ABCA13: variants seen among roughly 807,000 people sequenced by gnomAD.
ABCA13 encodes the protein ATP binding cassette subfamily A member 13.
ABCA13 carries 476 observed loss-of-function variants against 478.7 expected under a neutral mutation model. The ratio of observed to expected loss-of-function variants is 0.99; its 90% CI spans 0.92 to 1.07. The LOEUF (loss-of-function observed/expected upper bound fraction) is 1.07. ABCA13 is among the 50% of genes least tolerant of loss of function. ABCA13 has a pLI of 0.00. For synonymous variants in ABCA13, 2,252 were observed against 2,158.9 expected (o/e 1.04, Z -1.20); for missense variants, 6,060 against 5,910.6 (o/e 1.03, Z -0.83).
rs1486317353 is a variant in ABCA13, at chr7:48,455,250, C to T, written c.12779C>T (p.Pro4260Leu). The T allele has an allele frequency of 3.4e-5, 54 of 1,606,340 alleles. No individual in the cohort carries two copies. The highest frequency in any genetic ancestry group is 4.4e-5 in the Non-Finnish European group (52 of 1,176,840). ...GAGTACCCTCCCCTCAGACTCACACCTGGACATTACCAGCGGGCCGAGACC... is the reference window on the plus strand; with the variant it reads ...GAGTACCCTCCCCTCAGACTCACACTTGGACATTACCAGCGGGCCGAGACC... ...ATEYPPLRLT[P>L]GHYQRAETYF... Residue 4260 changes from proline (P) to leucine (L), a missense_variant, in exon 43 of 62, where the codon CCT becomes CTT. Coordinates refer to ENST00000435803, the MANE Select transcript of ABCA13 (RefSeq NM_152701.5).
rs1218974230 is a variant in ABCA13, at chr7:48,367,907, A to G, written c.10802A>G (p.Glu3601Gly). 6.4e-7 allele frequency: 1 copy of G among 1,563,208 alleles called. No homozygotes were observed. The highest frequency in any genetic ancestry group is 1.9e-5 in the Admixed American group (1 of 52,514). Residue 3601 changes from glutamate (E) to glycine (G), a missense_variant and splice_region_variant, in exon 32 of 62, where the codon GAG becomes GGG. Transcript: ENST00000435803. ...TATGAGCAGGAGATACAGATAGAAGAGGTAAATATCCTTAAACCTTGCCTG... is the reference window on the plus strand; with the variant it reads ...TATGAGCAGGAGATACAGATAGAAGGGGTAAATATCCTTAAACCTTGCCTG... ...LVYEQEIQIE[E>G]YMRMMGVHPV...
rs368126483 is a variant in ABCA13, at chr7:48,411,277, C to G, written c.12228+600C>G. 3.8e-3 allele frequency among the ~76,000 whole-genome samples: 265 copies of G among 69,582 alleles called. 11 individuals are homozygous for G. The highest frequency in any genetic ancestry group is 0.013 in the African/African-American group (261 of 20,428). 45.6% of individuals were successfully genotyped at this position (69,582 alleles called of 152,430 possible). On this transcript the variant is annotated intron_variant, in intron 40 of 61. Transcript: ENST00000435803. ...TCTCTTTCCTTCCTTTCCTCCCTCC[C>G]TCCTCCTTCCTTCCTTCTTTTCTTT...
intron 29 of ABCA13, among the ~76,000 whole-genome samples, chr7:48,349,762 C>T (rs748659945): frequency 6.6e-6 from 1 of 152,088 alleles, no homozygotes; most frequent in Non-Finnish European, 1.5e-5. Context: ...CTCCAAGCTT[C>T]GATGGAGGGT....
At chr7:48,615,263 TG>T (rs772529715) in intron 58 of ABCA13, 21 bp from the exon 59 acceptor site, 8 of 1,314,616 alleles carry the variant, frequency 6.1e-6, no homozygotes, top group Non-Finnish European at 8.1e-6. Context: ...GGCTCATTTT[TG>T]TCTCTTTTCC....
intron 43 of ABCA13, among the ~76,000 whole-genome samples, chr7:48,462,723 G>T (rs1031485705): frequency 2.0e-5 from 3 of 152,136 alleles, no homozygotes; most frequent in African/African-American, 7.2e-5. Flanking sequence ...TGGCCAGGCT[G>T]GTCGCGAACT....
Position 48,314,330 on chromosome 7 carries a change from T to C in ABCA13, c.9780T>C (p.Ser3260=), listed in dbSNP as rs202084708. 16 of 1,613,096 alleles carry C rather than the reference T, an allele frequency of 9.9e-6. No individual in the cohort carries two copies. The African/African-American group carries it at 1.6e-4, about 16-fold the overall frequency. Reference sequence around the variant, plus strand: ...ACCAAGCATCATTCCTTAGCGATTCTAATATGTTTATTAATTTGCCCAGAG... The same window carrying C: ...ACCAAGCATCATTCCTTAGCGATTCCAATATGTTTATTAATTTGCCCAGAG... ...CKDQASFLSD[S]NMFINLPRVK... The change falls in exon 26 of 62, where the codon TCT becomes TCC. Residue 3260 remains serine (S), a synonymous_variant. Transcript: ENST00000435803.
intron 42 of ABCA13, among the ~76,000 whole-genome samples, chr7:48,444,188 T>C (rs981325777): frequency 3.9e-5 from 6 of 152,190 alleles, no homozygotes; most frequent in Non-Finnish European, 8.8e-5. Flanking sequence ...ATGGCTCTTC[T>C]TTTGCTAAAG....
At chr7:48,615,507 G>C in intron 59 of ABCA13, 130 bp downstream of exon 59, 1 of 704,662 alleles carries the variant, frequency 1.4e-6, no homozygotes, top group South Asian at 2.3e-5. Context: ...GGAGATGAAG[G>C]CTCTGAGGGG....
At chr7:48,535,817 G>A (rs528111968) in intron 55 of ABCA13, among the ~76,000 whole-genome samples, 6 of 152,164 alleles carry the variant, frequency 3.9e-5, no homozygotes, top group Admixed American at 1.3e-4. Flanking sequence ...GCTTTACCCC[G>A]CTGCCATACA....
At chr7:48,230,997 T>C (rs941326095) in intron 7 of ABCA13, among the ~76,000 whole-genome samples, 1 of 151,860 alleles carries the variant, frequency 6.6e-6, no homozygotes, top group Non-Finnish European at 1.5e-5. Context: ...ATACACCAGG[T>C]CCAGTCGTCG....
intron 48 of ABCA13, among the ~76,000 whole-genome samples, chr7:48,497,102 T>A (rs1262661971): frequency 1.3e-5 from 2 of 152,130 alleles, no homozygotes; most frequent in East Asian, 3.9e-4. Context: ...CCCAGAGGTC[T>A]CTTTCCTGAG....
intron 20 of ABCA13, among the ~76,000 whole-genome samples, chr7:48,292,693 G>A (rs778797820): frequency 4.6e-5 from 7 of 152,128 alleles, no homozygotes; most frequent in Non-Finnish European, 1.0e-4. Flanking sequence ...CTTCCCTAAT[G>A]ATGATAAGGA....
At chr7:48,318,606 C>T (rs1391237524) in intron 27 of ABCA13, among the ~76,000 whole-genome samples, 1 of 151,114 alleles carries the variant, frequency 6.6e-6, no homozygotes, top group Non-Finnish European at 1.5e-5. Flanking sequence ...AAAGTCTGCA[C>T]TCTCACATGG....
chr7:48,576,004 G>T (rs1226484584), intron 55 of ABCA13, among the ~76,000 whole-genome samples: 1 of 152,062 alleles, frequency 6.6e-6, no homozygotes, highest in Non-Finnish European at 1.5e-5. Flanking sequence ...CCTGTTGTTA[G>T]TATTCCCTAA....
At chr7:48,183,549 G>A (rs36156082) in intron 1 of ABCA13, among the ~76,000 whole-genome samples, 14,120 of 152,260 alleles carry the variant, frequency 0.093, 897 homozygotes, top group East Asian at 0.21. Flanking sequence ...AACTACTTAA[G>A]GATAGGGCTT....
At chr7:48,550,999 A>G (rs1351709223) in intron 55 of ABCA13, among the ~76,000 whole-genome samples, 2 of 151,716 alleles carry the variant, frequency 1.3e-5, no homozygotes, top group African/African-American at 4.8e-5. Flanking sequence ...TGACTTATTT[A>G]TGAAAAAAAT....
chr7:48,572,738 A>G (rs1039372803), intron 55 of ABCA13, among the ~76,000 whole-genome samples: 8 of 152,116 alleles, frequency 5.3e-5, no homozygotes, highest in Admixed American at 1.3e-4. Flanking sequence ...TTTAATTGTC[A>G]AGGAATAATG....
At chr7:48,487,315 A>G (rs1405777337) in intron 47 of ABCA13, among the ~76,000 whole-genome samples, 4 of 101,312 alleles carry the variant, frequency 3.9e-5, no homozygotes, top group African/African-American at 2.8e-4. Context: ...TCTCAAAAAA[A>G]AAACAAAACA....
At chr7:48,339,413 C>T (rs943271093) in intron 29 of ABCA13, among the ~76,000 whole-genome samples, 6 of 151,896 alleles carry the variant, frequency 4.0e-5, no homozygotes, top group African/African-American at 1.5e-4. Context: ...TAATAGTGTC[C>T]CCATCTTCTG....
Sources: allele counts gnomAD v4.1 joint callset (sites outside exome capture counted in the v4.1 genomes callset), GRCh38; gene constraint gnomAD v4.1.1; transcripts MANE v1.5; gene names NCBI Gene and HGNC (gene_info 2026-07-23, HGNC 2026-07-21).